Variants in QKI observed in about 807,000 individuals in gnomAD.
QKI encodes KH domain-containing RNA-binding protein QKI.
QKI carries 10 observed loss-of-function variants against 39.0 expected under a neutral mutation model. The ratio of observed to expected loss-of-function variants is 0.26; its 90% CI spans 0.16 to 0.43. The LOEUF is 0.43. QKI is among the 20% of genes least tolerant of loss of function. The pLI is 1.00. For missense variants in QKI, 218 were observed against 428.0 expected (o/e 0.51, Z 4.33); for synonymous variants, 204 against 155.4 (o/e 1.31, Z -2.33).
chr6:163,559,066 C>G (rs1003584384), intron 4 of QKI, among the ~76,000 whole-genome samples: 1 of 152,220 alleles, frequency 6.6e-6, no homozygotes, highest in African/African-American at 2.4e-5. Flanking sequence ...TTTCTTCCAT[C>G]TTTTTTCTCT....
chr6:163,452,179 G>A (rs1262161293), intron 1 of QKI, among the ~76,000 whole-genome samples: 1 of 152,158 alleles, frequency 6.6e-6, no homozygotes, highest in Admixed American at 6.5e-5. Context: ...TCTGACTCGA[G>A]TGTTCTGAAT....
chr6:163,445,533 TA>T (rs1324652758), intron 1 of QKI, among the ~76,000 whole-genome samples: 1 of 152,180 alleles, frequency 6.6e-6, no homozygotes, highest in Admixed American at 6.5e-5. Context: ...CTCATGATTA[TA>T]ATGAGGACCA....
At chr6:163,548,095 C>G (rs772769147) in intron 4 of QKI, among the ~76,000 whole-genome samples, 1 of 152,094 alleles carries the variant, frequency 6.6e-6, no homozygotes, top group Non-Finnish European at 1.5e-5. Flanking sequence ...GAAAGAACTC[C>G]GTGATTTGTA....
chr6:163,565,792 C>A, intron 6 of QKI: 2 of 1,320,090 alleles, frequency 1.5e-6, no homozygotes, highest in Non-Finnish European at 9.8e-7. Flanking sequence ...AACATGCATG[C>A]TATTTATGTC....
chr6:163,521,499 A>G (rs1008727596), intron 3 of QKI, among the ~76,000 whole-genome samples: 4 of 152,164 alleles, frequency 2.6e-5, no homozygotes, highest in Non-Finnish European at 1.5e-5. Flanking sequence ...AAATCATGAC[A>G]TCACAAATAA....
chr6:163,486,532 T>C (rs1237420361), intron 3 of QKI, among the ~76,000 whole-genome samples: 5 of 152,242 alleles, frequency 3.3e-5, no homozygotes, highest in Admixed American at 6.5e-5. Flanking sequence ...TTCATATACA[T>C]TACAAATTGT....
chr6:163,541,054 G>T (rs961931183), intron 4 of QKI, among the ~76,000 whole-genome samples: 1 of 151,818 alleles, frequency 6.6e-6, no homozygotes, highest in Non-Finnish European at 1.5e-5. Context: ...CATTTTAAAG[G>T]TAGATCAGTG....
chr6:163,486,315 G>A (rs1016607712), intron 3 of QKI, among the ~76,000 whole-genome samples: 1 of 152,106 alleles, frequency 6.6e-6, no homozygotes, highest in African/African-American at 2.4e-5. Context: ...CTTAATATTT[G>A]TTTCCCAAAT....
intron 7 of QKI, chr6:163,567,153 G>A (rs1783413996): frequency 9.9e-7 from 1 of 1,015,020 alleles, no homozygotes; most frequent in African/African-American, 1.7e-5. Context: ...TTTGGGGTTG[G>A]TATTGCAAAA....
chr6:163,486,912 C>A (rs750444388), intron 3 of QKI, among the ~76,000 whole-genome samples: 3 of 152,192 alleles, frequency 2.0e-5, no homozygotes, highest in Non-Finnish European at 4.4e-5. Context: ...ACTTAAAGGA[C>A]ATTTCAAGGC....
intron 1 of QKI, among the ~76,000 whole-genome samples, chr6:163,438,448 G>A (rs1026133544): frequency 6.6e-6 from 1 of 152,100 alleles, no homozygotes; most frequent in Admixed American, 6.5e-5. Context: ...TTCCTTTTGC[G>A]AACATCATAG....
At chr6:163,514,047 G>A (rs1779646268) in intron 3 of QKI, among the ~76,000 whole-genome samples, 1 of 152,042 alleles carries the variant, frequency 6.6e-6, no homozygotes, top group Admixed American at 6.6e-5. Context: ...AGTTGCATAT[G>A]TTACTGCAGA....
intron 1 of QKI, among the ~76,000 whole-genome samples, chr6:163,435,413 C>T (rs1026845850): frequency 3.9e-5 from 6 of 152,152 alleles, no homozygotes; most frequent in African/African-American, 1.4e-4. Context: ...AATTGCAGAC[C>T]TTGATACTGG....
intron 6 of QKI, chr6:163,564,478 A>G: frequency 2.8e-6 from 4 of 1,424,154 alleles, no homozygotes; most frequent in Non-Finnish European, 3.7e-6. Flanking sequence ...TTGGAGTCCT[A>G]GTCATATTAA....
In QKI at chr6:163,576,543, A is replaced by G. The variant is rs974775945; in HGVS notation, c.*5833A>G. 6.6e-6 allele frequency: 1 copy of G among 152,126 alleles called. No individual in the cohort carries two copies. The highest frequency in any genetic ancestry group is 2.4e-5 in the African/African-American group (1 of 41,372). 9.4% of individuals were successfully genotyped at this position (152,126 alleles called of 1,614,324 possible). On this transcript the variant is annotated 3_prime_UTR_variant, in exon 8 of 8. Transcript: ENST00000361752. ...TATGGTTTATATTGTAGTGGTATGT[A>G]TGAAACATTTAAAATTTTACTGTGG...
chr6:163,513,740 G>A (rs1779630432), intron 3 of QKI, among the ~76,000 whole-genome samples: 1 of 152,096 alleles, frequency 6.6e-6, no homozygotes, highest in Non-Finnish European at 1.5e-5. Context: ...AATGTGAAGC[G>A]CCTAAGATTT....
At chr6:163,516,496 T>TATGG (rs1252684320) in intron 3 of QKI, among the ~76,000 whole-genome samples, 2 of 152,252 alleles carry the variant, frequency 1.3e-5, no homozygotes, top group East Asian at 3.9e-4. Context: ...GGTTTCACCA[T>TATGG]GTTGGCCAGG....
chr6:163,501,240 G>A (rs1367500434), intron 3 of QKI, among the ~76,000 whole-genome samples: 2 of 151,586 alleles, frequency 1.3e-5, no homozygotes, highest in Non-Finnish European at 2.9e-5. Flanking sequence ...TCACTAGGTG[G>A]CCAAAAGAGA....
At chr6:163,564,839 A>G (rs1421486969) in intron 6 of QKI, 4 of 1,547,518 alleles carry the variant, frequency 2.6e-6, no homozygotes, top group Non-Finnish European at 3.5e-6. Flanking sequence ...TGAATTGTAT[A>G]TGACCTTGGT....
Sources: gnomAD v4.1 joint callset for allele counts (sites outside exome capture counted in the v4.1 genomes callset) on GRCh38, gnomAD v4.1.1 for gene constraint, MANE v1.5 for transcripts, NCBI Gene and HGNC (gene_info 2026-07-23, HGNC 2026-07-21) for gene names.